FGF1: variants seen among roughly 807,000 people sequenced by gnomAD.
FGF1 encodes the protein fibroblast growth factor 1, also known as beta-endothelial cell growth factor.
In FGF1, 9 loss-of-function variants were observed where a neutral mutation model predicts 13.4. That is an observed-to-expected ratio of 0.67 (90% CI 0.40 to 1.17). The LOEUF (loss-of-function observed/expected upper bound fraction) is 1.17, where lower values mean the gene tolerates loss of function less well. Among genes scored for constraint, FGF1 ranks in the 50% most tolerant of loss-of-function variants. The pLI is 0.01. For synonymous variants in FGF1, 93 were observed against 79.0 expected, an observed-to-expected ratio of 1.18 and a Z score of -0.94; for missense variants, 156 against 192.7, an observed-to-expected ratio of 0.81 and a Z score of 1.13.
chr5:142,596,310 T>A (rs1755237020), intron 3 of FGF1, among the ~76,000 whole-genome samples: 1 of 139,008 alleles, frequency 7.2e-6, no homozygotes, highest in African/African-American at 2.8e-5. Flanking sequence ...TCTCTACAAT[T>A]TTTTTTTTAA....
intron 1 of FGF1, among the ~76,000 whole-genome samples, chr5:142,664,590 C>T (rs1050822730): frequency 3.3e-5 from 5 of 152,210 alleles, no homozygotes; most frequent in Admixed American, 6.5e-5. Context: ...CATGAAGTGA[C>T]GGTCTAACTT....
At chr5:142,680,328 A>G (rs1597446733) in intron 1 of FGF1, among the ~76,000 whole-genome samples, 1 of 152,228 alleles carries the variant, frequency 6.6e-6, no homozygotes, top group East Asian at 1.9e-4. Flanking sequence ...CTTCTGAAGA[A>G]AGGACACAGG....
rs79453407 is a variant in FGF1 at position 142,679,458 on chromosome 5, G to C, written c.-35+6499C>G. ...GGACCACTCGGTAGAATTGCTGCTT[G>C]ATTGATGTCTATACCCCCATCTAGC... On this transcript the variant is annotated intron_variant, in intron 1 of 3. Coordinates refer to ENST00000337706, the MANE Select transcript of FGF1 (RefSeq NM_000800.5). Among the ~76,000 whole-genome samples, 1,142 of 152,298 alleles carry C rather than the reference G, an allele frequency of 7.5e-3. 16 individuals carry two copies. Among genetic ancestry groups the C allele is most frequent in the African/African-American group, 0.026 (1,090 of 41,556 alleles).
At position 142,643,745 on chromosome 5, in the gene FGF1, C is replaced by T. The variant is rs1765563009; in HGVS notation, c.-34-29584G>A. Among the ~76,000 whole-genome samples, 7 of 152,244 alleles carry T rather than the reference C, an allele frequency of 4.6e-5. No individual in the cohort carries two copies. In the South Asian group the frequency reaches 1.5e-3, roughly 32 times the overall value. On this transcript the variant is annotated intron_variant, in intron 1 of 3. Transcript: ENST00000337706. ...GCCCTCACTTTTTCATGTTTTCTGT[C>T]AACAGACTCTTAGTTATAGTAAAAC...
chr5:142,637,805 C>T (rs559605084), intron 1 of FGF1, among the ~76,000 whole-genome samples: 25 of 152,140 alleles, frequency 1.6e-4, no homozygotes, highest in Admixed American at 1.4e-3. Flanking sequence ...ATTGACAAGT[C>T]ATGCTACTGT....
chr5:142,691,421 CAAATAAAATAAAATAAAATAAAATA>C (rs151025512), intron 2 of FGF1, among the ~76,000 whole-genome samples: 123 of 128,528 alleles, frequency 9.6e-4, no homozygotes, highest in African/African-American at 1.3e-3. Flanking sequence ...GACTCTGTCT[CAAATAAAATAAAATAAAATAAAATA>C]AAATAAAATA....
intron 1 of FGF1, among the ~76,000 whole-genome samples, chr5:142,660,924 C>G (rs17216909): frequency 0.015 from 2,303 of 152,320 alleles, 59 homozygotes; most frequent in African/African-American, 0.053. Flanking sequence ...CCTTCTCTGG[C>G]TCCAGGCAAC....
At chr5:142,620,006 G>GT (rs889353840) in intron 1 of FGF1, among the ~76,000 whole-genome samples, 157 of 148,134 alleles carry the variant, frequency 1.1e-3, no homozygotes, top group Non-Finnish European at 1.2e-3. Flanking sequence ...ACTAGCTACT[G>GT]TTTTTTTTTT....
In FGF1 at chr5:142,663,039, G is replaced by C. The variant is rs569004076; in HGVS notation, c.-35+22918C>G. 2.6e-4 allele frequency among the ~76,000 whole-genome samples: 39 copies of C among 152,190 alleles called. 1 individual carries two copies. Among genetic ancestry groups the C allele is most frequent in the African/African-American group, 9.4e-4 (39 of 41,536 alleles). On this transcript the variant is annotated intron_variant, in intron 1 of 3. Coordinates refer to ENST00000337706, the MANE Select transcript of FGF1 (RefSeq NM_000800.5). ...GGGTCTTGCCGTGTTGCCCAGGCTG[G>C]TCTGGAACTCCTGGGCTTAAACAAT...
intron 1 of FGF1, among the ~76,000 whole-genome samples, chr5:142,664,700 A>G (rs1769968552): frequency 6.6e-6 from 1 of 152,136 alleles, no homozygotes; most frequent in South Asian, 2.1e-4. Flanking sequence ...TTCATTCATG[A>G]CACCGTCGAT....
At chr5:142,688,731 C>T (rs771904890), upstream of FGF1, among the ~76,000 whole-genome samples, 1 of 152,254 alleles carries the variant, frequency 6.6e-6, no homozygotes, top group Non-Finnish European at 1.5e-5. Flanking sequence ...GGTTTATCCA[C>T]AGAGACGTGG....
chr5:142,669,556 C>T (rs554154203), intron 1 of FGF1, among the ~76,000 whole-genome samples: 10 of 151,912 alleles, frequency 6.6e-5, no homozygotes, highest in Admixed American at 2.0e-4. Flanking sequence ...AGAGGTGACT[C>T]GGGCATAGAG....
intron 2 of FGF1, among the ~76,000 whole-genome samples, chr5:142,612,767 A>G (rs561261707): frequency 6.6e-6 from 1 of 152,120 alleles, no homozygotes; most frequent in African/African-American, 2.4e-5. Flanking sequence ...CCTCATCTCC[A>G]GGGTCTGTGC....
At chr5:142,649,649 C>T (rs1422910590) in intron 1 of FGF1, among the ~76,000 whole-genome samples, 9 of 151,970 alleles carry the variant, frequency 5.9e-5, no homozygotes, top group Admixed American at 2.0e-4. Context: ...CCTCATGATC[C>T]GCCCACCTCA....
chr5:142,660,172 T>C (rs1167301851), intron 1 of FGF1, among the ~76,000 whole-genome samples: 2 of 152,250 alleles, frequency 1.3e-5, no homozygotes, highest in African/African-American at 4.8e-5. Flanking sequence ...ATCTTCACGC[T>C]CATCCGGGGT....
chr5:142,645,914 T>G (rs1370236296), intron 1 of FGF1, among the ~76,000 whole-genome samples: 1 of 152,190 alleles, frequency 6.6e-6, no homozygotes, highest in Non-Finnish European at 1.5e-5. Flanking sequence ...TTGTTTTTTT[T>G]GTTTGTTTGT....
chr5:142,681,575 C>T (rs1773700782), intron 1 of FGF1, among the ~76,000 whole-genome samples: 1 of 152,182 alleles, frequency 6.6e-6, no homozygotes. Flanking sequence ...GCAGAATTTC[C>T]AAATCCTGGC....
In FGF1 at chr5:142,594,087, A is replaced by AT. The variant is rs1185102115; in HGVS notation, c.*1202dup. 1 of 152,430 alleles carries AT rather than the reference A, an allele frequency of 6.6e-6. No individual in the cohort carries two copies. Among genetic ancestry groups the AT allele is most frequent in the African/African-American group, 2.4e-5 (1 of 41,446 alleles). 9.4% of individuals were successfully genotyped at this position (152,430 alleles called of 1,614,324 possible). On this transcript the variant is annotated 3_prime_UTR_variant, in exon 4 of 4. Transcript: ENST00000337706. ...CATAACTATTGTCAGTGCTGCCTGA[A>AT]TGCTCAGGTAGACTCATGAGGTGTG...
chr5:142,658,659 G>T (rs191874606), intron 1 of FGF1, among the ~76,000 whole-genome samples: 1 of 152,288 alleles, frequency 6.6e-6, no homozygotes, highest in Admixed American at 6.5e-5. Flanking sequence ...AAGAAAAATT[G>T]TCAGTTGTGT....
Sources: gnomAD v4.1 joint callset for allele counts (sites outside exome capture counted in the v4.1 genomes callset) on GRCh38, gnomAD v4.1.1 for gene constraint, MANE v1.5 for transcripts, NCBI Gene and HGNC (gene_info 2026-07-23, HGNC 2026-07-21) for gene names.